The following RYR1 variants were observed in gnomAD, a reference collection of about 807,000 sequenced individuals.
RYR1 encodes ryanodine receptor 1.
RYR1 carries 342 observed loss-of-function variants against 583.5 expected under a neutral mutation model. That is an observed-to-expected ratio of 0.59 (90% CI 0.54 to 0.64). The LOEUF is 0.64. RYR1 is among the 30% of genes least tolerant of loss of function. The pLI, the probability that RYR1 is intolerant of heterozygous loss-of-function variation, is 0.00. For missense variants in RYR1, 6,032 were observed against 6,917.2 expected (o/e 0.87, Z 4.54); for synonymous variants, 2,791 against 2,822.5 (o/e 0.99, Z 0.35).
chr19:38,577,154 G>A (rs1973994198), intron 97 of RYR1, among the ~76,000 whole-genome samples: 1 of 152,020 alleles, frequency 6.6e-6, no homozygotes, highest in South Asian at 2.1e-4. Context: ...CCAAAGTGCT[G>A]GGATTACAGG....
intron 12 of RYR1, among the ~76,000 whole-genome samples, chr19:38,452,126 CAAAAA>C (rs66571762): frequency 2.7e-3 from 189 of 68,870 alleles, no homozygotes; most frequent in Middle Eastern, 0.01. Context: ...CCGCCTCTAC[CAAAAA>C]AAAAAAAAAA....
Position 38,452,802 on chromosome 19 carries a change from C to T in RYR1, c.1245-17C>T. On this transcript the variant is annotated splice_polypyrimidine_tract_variant and intron_variant, in intron 12 of 105. Coordinates refer to ENST00000359596, the MANE Select transcript of RYR1 (RefSeq NM_000540.3). ...TAGCGCTCCCAGCCGTGGCTGACAG[C>T]TGCGAGGTCCCTGTAGGAGCCTGGA... 1.9e-6 allele frequency: 3 copies of T among 1,565,164 alleles called. No homozygotes were observed. Among genetic ancestry groups the T allele is most frequent in the African/African-American group, 1.3e-5 (1 of 74,196 alleles).
chr19:38,516,274 C>G lies in RYR1; in HGVS notation c.9685+57C>G, dbSNP rs748752002. ...AGTCCAAATCTCCCCAGCACAGGGCCTTGGGGAGACCCTAATTTGGGGGTA... is the reference window on the plus strand; with the variant it reads ...AGTCCAAATCTCCCCAGCACAGGGCGTTGGGGAGACCCTAATTTGGGGGTA... On this transcript the variant is annotated intron_variant, in intron 65 of 105. Coordinates refer to ENST00000359596, the MANE Select transcript of RYR1 (RefSeq NM_000540.3). 587 of 1,535,714 alleles carry G rather than the reference C, an allele frequency of 3.8e-4. 5 individuals carry two copies. Among genetic ancestry groups the G allele is most frequent in the Admixed American group, 3.9e-4 (20 of 51,324 alleles).
chr19:38,555,952 C>A (rs1972860714), intron 89 of RYR1, among the ~76,000 whole-genome samples: 1 of 152,094 alleles, frequency 6.6e-6, no homozygotes. Flanking sequence ...TAACCTCCAC[C>A]TGTCAGGTTC....
At position 38,490,487 on chromosome 19, in the gene RYR1, C is replaced by G. The variant is rs1280296982; in HGVS notation, c.6016-134C>G. The G allele has an allele frequency of 7.5e-6, 6 of 803,360 alleles. No homozygotes were observed. The Admixed American group carries it at 1.0e-4, about 13-fold the overall frequency. The allele number at this position is 803,360 out of a possible 1,614,324, so 49.8% of individuals were successfully genotyped here. A position where few individuals can be genotyped will look rare whatever the true frequency, so the allele number is the denominator to read the frequency against. ...TTTCAAACCTCTGGCCCTAGTCTCC[C>G]AAATAGTCTTCATTAACTCACACTT... On this transcript the variant is annotated intron_variant, in intron 36 of 105. Transcript: ENST00000359596.
intron 18 of RYR1, among the ~76,000 whole-genome samples, chr19:38,458,781 C>T (rs1310158526): frequency 6.6e-6 from 1 of 152,100 alleles, no homozygotes; most frequent in Non-Finnish European, 1.5e-5. Context: ...TGCACCACCA[C>T]GCCCGGCTCA....
chr19:38,548,183 GC>G, intron 88 of RYR1, 49 bp from the exon 89 acceptor site: 1 of 1,608,390 alleles, frequency 6.2e-7, no homozygotes, highest in Non-Finnish European at 8.5e-7. Context: ...GCCTGGTGGG[GC>G]CCCAGAAGGG....
intron 16 of RYR1, among the ~76,000 whole-genome samples, chr19:38,457,136 A>C (rs181405278): frequency 6.6e-6 from 1 of 151,718 alleles, no homozygotes; most frequent in Non-Finnish European, 1.5e-5. Context: ...GCCCCTAAAG[A>C]CACAAGTTTG....
At chr19:38,581,368 C>T (rs190095616) in intron 101 of RYR1, among the ~76,000 whole-genome samples, 3 of 152,250 alleles carry the variant, frequency 2.0e-5, no homozygotes, top group Admixed American at 6.5e-5. Flanking sequence ...TGAGCCACTG[C>T]GCCCGGCCAA....
In RYR1 at chr19:38,528,977, GGAA is replaced by G. The variant is rs766319166; in HGVS notation, c.11064_11066del (p.Glu3689del). The G allele has an allele frequency of 1.2e-6, 2 of 1,611,716 alleles. No individual in the cohort carries two copies. The highest frequency in any genetic ancestry group is 4.5e-5 in the East Asian group (2 of 44,850). On this transcript the variant is annotated inframe_deletion, in exon 76 of 106. Transcript: ENST00000359596. ...AAGCTGGGGAGCAGGAGGAGGAGGA[GGAA>G]GAGGTGGAAGAGAAGAAGCCAGACC...
At chr19:38,578,111 C>G (rs1285734542) in intron 98 of RYR1, 33 bp from the exon 99 acceptor site, 2 of 1,613,122 alleles carry the variant, frequency 1.2e-6, no homozygotes, top group Admixed American at 1.7e-5. Flanking sequence ...GAGTCTGACA[C>G]TCAAGCATCT....
At chr19:38,490,849 G>A in intron 37 of RYR1, 117 bp downstream of exon 37, 1 of 732,676 alleles carries the variant, frequency 1.4e-6, no homozygotes, top group Non-Finnish European at 2.5e-6. Flanking sequence ...GTAACTATTG[G>A]TTGAATGAAT....
chr19:38,490,993 T>C (rs2145565432), intron 37 of RYR1, among the ~76,000 whole-genome samples: 1 of 152,258 alleles, frequency 6.6e-6, no homozygotes, highest in East Asian at 1.9e-4. Flanking sequence ...GGGTAAAAAA[T>C]GGCTGGCTGG....
At chr19:38,585,862 G>T in intron 102 of RYR1, 76 bp from the exon 103 acceptor site, 1 of 1,558,854 alleles carries the variant, frequency 6.4e-7, no homozygotes, top group South Asian at 1.1e-5. Flanking sequence ...GGCAAGCCCT[G>T]GAGGTAGGTA....
At chr19:38,572,535 T>A (rs1973769578) in intron 95 of RYR1, among the ~76,000 whole-genome samples, 1 of 152,126 alleles carries the variant, frequency 6.6e-6, no homozygotes, top group Non-Finnish European at 1.5e-5. Flanking sequence ...TCTTGATACT[T>A]TGCTATTGAA....
chr19:38,572,532 AC>A (rs951393411), intron 95 of RYR1, among the ~76,000 whole-genome samples: 86 of 152,236 alleles, frequency 5.6e-4, no homozygotes, highest in African/African-American at 1.7e-3. Flanking sequence ...CTGTCTTGAT[AC>A]TTTGCTATTG....
Position 38,446,777 on chromosome 19 carries a change from G to A in RYR1, c.800+9G>A, listed in dbSNP as rs767687885. 3.7e-6 allele frequency: 6 copies of A among 1,611,886 alleles called. No homozygotes were observed. In the South Asian group the frequency reaches 6.6e-5, roughly 18 times the overall value. ...GAGCCACTGAGAATCAGGTAGGGCG[G>A]GGAAGATGGGGAGAGACCAGGGAGA... is the stretch of plus-strand genomic sequence containing the variant. On this transcript the variant is annotated intron_variant, in intron 9 of 105. Coordinates refer to ENST00000359596, the MANE Select transcript of RYR1 (RefSeq NM_000540.3).
chr19:38,491,601 T>A (rs1236780043), intron 37 of RYR1, among the ~76,000 whole-genome samples: 1 of 152,070 alleles, frequency 6.6e-6, no homozygotes, highest in Admixed American at 6.6e-5. Context: ...GCTAATTTTT[T>A]AATTTTTTTA....
intron 36 of RYR1, 122 bp downstream of exon 36, chr19:38,490,398 AC>A: frequency 1.0e-6 from 1 of 987,764 alleles, no homozygotes; most frequent in Non-Finnish European, 1.6e-6. Context: ...CCCTAGTGAT[AC>A]ATTTATCTCC....
Sources: gnomAD v4.1 joint callset for allele counts (sites outside exome capture counted in the v4.1 genomes callset) on GRCh38, gnomAD v4.1.1 for gene constraint, MANE v1.5 for transcripts, NCBI Gene and HGNC (gene_info 2026-07-23, HGNC 2026-07-21) for gene names.